Variants in ACTR5 observed in about 807,000 individuals in gnomAD.
The protein encoded by ACTR5 is actin-related protein 5.
Under a neutral mutation model 61.2 loss-of-function variants are expected in ACTR5, and 43 were observed. That is an observed-to-expected ratio of 0.70 (90% CI 0.55 to 0.91). ACTR5 has a LOEUF of 0.91. Ranked by LOEUF, ACTR5 falls within the 40% of genes least tolerant of loss-of-function variation. The pLI is 0.00. For missense variants in ACTR5, 798 were observed against 782.2 expected, an observed-to-expected ratio of 1.02 and a Z score of -0.24; for synonymous variants, 333 against 310.5, an observed-to-expected ratio of 1.07 and a Z score of -0.76.
chr20:38,759,390 C>T (rs542213503), intron 5 of ACTR5, among the ~76,000 whole-genome samples: 1 of 152,102 alleles, frequency 6.6e-6, no homozygotes, highest in African/African-American at 2.4e-5. Flanking sequence ...AGAAGCCAGC[C>T]GTGGCAGAGA....
At chr20:38,769,928 C>T (rs912902587) in intron 8 of ACTR5, among the ~76,000 whole-genome samples, 5 of 151,876 alleles carry the variant, frequency 3.3e-5, no homozygotes, top group East Asian at 1.9e-4. Flanking sequence ...CTGGCAGCGG[C>T]GACTTAGGAT....
chr20:38,767,375 G>A, intron 7 of ACTR5, 89 bp from the exon 8 acceptor site: 2 of 1,123,780 alleles, frequency 1.8e-6, no homozygotes, highest in Non-Finnish European at 2.4e-6. Flanking sequence ...AAGTTTTTCT[G>A]TTTTGTACTG....
chr20:38,756,336 C>T (rs946609129), intron 5 of ACTR5, among the ~76,000 whole-genome samples: 1 of 152,228 alleles, frequency 6.6e-6, no homozygotes. Context: ...CATTGGCAGT[C>T]ATATACTTCC....
chr20:38,757,932 C>CT (rs1568635820), intron 5 of ACTR5, among the ~76,000 whole-genome samples: 1 of 151,340 alleles, frequency 6.6e-6, no homozygotes. Context: ...TTTTTCAGGT[C>CT]TTTGAGATTT....
At chr20:38,761,172 T>C (rs2145672311) in intron 5 of ACTR5, among the ~76,000 whole-genome samples, 1 of 152,276 alleles carries the variant, frequency 6.6e-6, no homozygotes, top group East Asian at 1.9e-4. Context: ...GCCTCCCACC[T>C]TGCCTTTCAA....
rs376777950 is a variant in ACTR5 at position 38,750,969 on chromosome 20, A to G, written c.605+730A>G. On this transcript the variant is annotated intron_variant, in intron 2 of 8. Coordinates refer to ENST00000243903, the MANE Select transcript of ACTR5 (RefSeq NM_024855.4). ...TTAATCACTATTGTTTAGACCTTTC[A>G]GGTACAGTGCCTGGCACGTAATGGA... Among the ~76,000 whole-genome samples, 27 of 152,276 alleles carry G rather than the reference A, an allele frequency of 1.8e-4. 1 individual carries two copies. The South Asian group carries it at 5.2e-3, about 29-fold the overall frequency.
rs1283819647 is a variant in ACTR5, at chr20:38,754,949, C to A, written c.776-8C>A. 7 of 1,612,202 alleles carry A rather than the reference C, an allele frequency of 4.3e-6. No homozygotes were observed. The highest frequency in any genetic ancestry group is 5.9e-6 in the Non-Finnish European group (7 of 1,179,126). On this transcript the variant is annotated splice_polypyrimidine_tract_variant and splice_region_variant and intron_variant, in intron 3 of 8. Coordinates refer to ENST00000243903, the MANE Select transcript of ACTR5 (RefSeq NM_024855.4). ...CATTTCATAACTTTCAAAATTGTTTCTTTGAAGAATTACACAAATGGCGGT... is the reference window on the plus strand; with the variant it reads ...CATTTCATAACTTTCAAAATTGTTTATTTGAAGAATTACACAAATGGCGGT...
intron 8 of ACTR5, among the ~76,000 whole-genome samples, chr20:38,770,785 A>G (rs2145679797): frequency 1.3e-5 from 2 of 152,136 alleles, no homozygotes; most frequent in East Asian, 3.9e-4. Context: ...CAGCAGCTGG[A>G]CTCCTGAGCC....
At chr20:38,759,754 T>C (rs79706386) in intron 5 of ACTR5, among the ~76,000 whole-genome samples, 5,117 of 152,128 alleles carry the variant, frequency 0.034, 84 homozygotes, top group Non-Finnish European at 0.044. Flanking sequence ...AAACAAAAAA[T>C]GAGGGCTATA....
chr20:38,764,300 C>T (rs1431662692), intron 5 of ACTR5, among the ~76,000 whole-genome samples: 35 of 152,192 alleles, frequency 2.3e-4, no homozygotes, highest in Non-Finnish European at 5.9e-5. Context: ...GACACTACCT[C>T]ATAAGACAGT....
At chr20:38,767,617 CA>C in intron 8 of ACTR5, 21 bp downstream of exon 8, 1 of 1,587,436 alleles carries the variant, frequency 6.3e-7, no homozygotes, top group South Asian at 1.1e-5. Flanking sequence ...TTCGAGTAGT[CA>C]ATTATTTTGA....
Position 38,748,767 on chromosome 20 carries a change from C to T in ACTR5, c.289C>T (p.Pro97Ser). Residue 97 changes from proline (P) to serine (S), a missense_variant, in exon 1 of 9, where the codon CCC becomes TCC. Pro to Ser is a moderately conservative substitution (Grantham distance 74). Transcript: ENST00000243903. ...LEPLRWMLRSPFDRNVPVNLE... is the reference protein window; with the variant it reads ...LEPLRWMLRSSFDRNVPVNLE... ...GCCACTGCGCTGGATGCTGCGCTCG[C>T]CCTTCGACCGCAACGTGCCGGTCAA... The T allele has an allele frequency of 1.2e-6, 2 of 1,605,496 alleles. No homozygotes were observed. The highest frequency in any genetic ancestry group is 1.3e-5 in the African/African-American group (1 of 74,612).
chr20:38,770,736 A>G (rs1314062685), intron 8 of ACTR5, among the ~76,000 whole-genome samples: 1 of 152,184 alleles, frequency 6.6e-6, no homozygotes, highest in African/African-American at 2.4e-5. Flanking sequence ...CCTAGTGACA[A>G]GGTCCTCATT....
intron 8 of ACTR5, among the ~76,000 whole-genome samples, chr20:38,768,339 A>C (rs1440238695): frequency 6.6e-6 from 1 of 152,162 alleles, no homozygotes; most frequent in Non-Finnish European, 1.5e-5. Context: ...AGACCATTCC[A>C]GGCAGGATGA....
At position 38,770,832 on chromosome 20, in the gene ACTR5, A is replaced by C. The variant is rs143415727; in HGVS notation, c.1567-727A>C. On this transcript the variant is annotated intron_variant, in intron 8 of 8. Coordinates refer to ENST00000243903, the MANE Select transcript of ACTR5 (RefSeq NM_024855.4). The stretch of plus-strand genomic sequence containing the variant: ...ACCTCCATTTGTGCATGTTGATTCC[A>C]CTGTTATGGCCTCTGCCCTTCAGTC... 5.7e-4 allele frequency among the ~76,000 whole-genome samples: 87 copies of C among 152,190 alleles called. 1 individual carries two copies. The East Asian group carries it at 0.011, about 19-fold the overall frequency.
chr20:38,766,457 T>C (rs2084487455), intron 7 of ACTR5, 80 bp downstream of exon 7: 1 of 1,482,428 alleles, frequency 6.7e-7, no homozygotes. Context: ...GATTTGATGG[T>C]CAGGCACTTG....
At chr20:38,765,568 T>G (rs781336741) in intron 6 of ACTR5, 50 bp downstream of exon 6, 2 of 1,467,602 alleles carry the variant, frequency 1.4e-6, no homozygotes, top group Non-Finnish European at 1.9e-6. Context: ...GGTGTTGACC[T>G]AAATGGCTGG....
chr20:38,767,726 GC>G (rs1568638324), intron 8 of ACTR5, 130 bp downstream of exon 8: 2 of 1,051,286 alleles, frequency 1.9e-6, no homozygotes, highest in Non-Finnish European at 2.7e-6. Context: ...TTAAGTCCAT[GC>G]TTAATTTTTA....
chr20:38,770,247 C>T (rs762360466), intron 8 of ACTR5, among the ~76,000 whole-genome samples: 8 of 152,130 alleles, frequency 5.3e-5, no homozygotes, highest in Non-Finnish European at 1.0e-4. Flanking sequence ...TAAGGCCCTC[C>T]GTGATCATTA....
Sources: allele counts gnomAD v4.1 joint callset (sites outside exome capture counted in the v4.1 genomes callset), GRCh38; gene constraint gnomAD v4.1.1; transcripts MANE v1.5; gene names NCBI Gene and HGNC (gene_info 2026-07-23, HGNC 2026-07-21).